The following SIN3B variants were observed in gnomAD, a reference collection of about 807,000 sequenced individuals.
SIN3B encodes the protein SIN3 transcription regulator family member B.
SIN3B carries 19 observed loss-of-function variants against 120.2 expected under a neutral mutation model. The observed-to-expected ratio is 0.16, with a 90% confidence interval of 0.11 to 0.23. SIN3B has a LOEUF of 0.23. Among genes scored for constraint, SIN3B ranks in the 10% least tolerant of loss-of-function variants. The pLI, the probability that SIN3B is intolerant of heterozygous loss-of-function variation, is 1.00. For synonymous variants in SIN3B, 654 were observed against 653.2 expected, an observed-to-expected ratio of 1.00 and a Z score of -0.02; for missense variants, 1,073 against 1,573.0, an observed-to-expected ratio of 0.68 and a Z score of 5.38.
chr19:16,863,248 A>G (rs549579210), intron 9 of SIN3B: 1 of 510,972 alleles, frequency 2.0e-6, no homozygotes, highest in Non-Finnish European at 3.5e-6. Flanking sequence ...CTAACCATGG[A>G]TTGAAAATAC....
intron 7 of SIN3B, among the ~76,000 whole-genome samples, chr19:16,853,473 G>C (rs901160203): frequency 4.6e-5 from 7 of 152,276 alleles, no homozygotes; most frequent in African/African-American, 1.2e-4. Context: ...TTCCCGCCCA[G>C]GGTCTGTGGG....
Position 16,841,759 on chromosome 19 carries a change from C to T in SIN3B, c.382-9C>T. ...CGGGCCTGGCAGTAACTCATTGTCG[C>T]CTTGTCAGGAGAATTCGCACAACCA... On this transcript the variant is annotated splice_polypyrimidine_tract_variant and intron_variant, in intron 3 of 18. Coordinates refer to ENST00000248054, the MANE Select transcript of SIN3B (RefSeq NM_001297595.2). The T allele has an allele frequency of 1.2e-6, 2 of 1,612,882 alleles. No individual in the cohort carries two copies. Among genetic ancestry groups the T allele is most frequent in the Non-Finnish European group, 1.7e-6 (2 of 1,179,182 alleles).
intron 7 of SIN3B, 69 bp downstream of exon 7, chr19:16,853,227 C>G: frequency 6.9e-7 from 1 of 1,440,646 alleles, no homozygotes; most frequent in Non-Finnish European, 9.8e-7. Context: ...GCTCCCTGGG[C>G]CTGCCCCAGG....
At chr19:16,873,157 G>A (rs1483686713) in intron 14 of SIN3B, among the ~76,000 whole-genome samples, 1 of 152,070 alleles carries the variant, frequency 6.6e-6, no homozygotes, top group African/African-American at 2.4e-5. Flanking sequence ...TTTCCCTGAT[G>A]GCAAATGTGG....
intron 9 of SIN3B, 130 bp from the exon 10 acceptor site, chr19:16,863,550 A>G: frequency 1.5e-6 from 1 of 688,484 alleles, no homozygotes; most frequent in South Asian, 1.7e-5. Flanking sequence ...GCACCTTCCC[A>G]TTTGTATAAG....
At position 16,876,649 on chromosome 19, in the gene SIN3B, C is replaced by G. The variant is rs2051612709; in HGVS notation, c.2859+71C>G. The G allele has an allele frequency of 4.8e-6, 6 of 1,258,202 alleles. No homozygotes were observed. Among genetic ancestry groups the G allele is most frequent in the Middle Eastern group, 1.9e-4 (1 of 5,324 alleles). 77.9% of individuals were successfully genotyped at this position (1,258,202 alleles called of 1,614,324 possible). A position where few individuals can be genotyped will look rare whatever the true frequency, so the allele number is the denominator to read the frequency against. On this transcript the variant is annotated intron_variant, in intron 16 of 18. Coordinates refer to ENST00000248054, the MANE Select transcript of SIN3B (RefSeq NM_001297595.2). This position sits in a 1 kb window ranked among gnomAD's most constrained non-coding sequence, Gnocchi z 7.1. Reference sequence around the variant, plus strand: ...TGAGGGCAGCAGCATGGGGCTCCCACCAGCCAAGCGCAGGCCGCGCAGCAT... The same window carrying G: ...TGAGGGCAGCAGCATGGGGCTCCCAGCAGCCAAGCGCAGGCCGCGCAGCAT...
At chr19:16,851,674 G>C (rs1568417443) in intron 6 of SIN3B, 140 bp downstream of exon 6, 3 of 1,103,556 alleles carry the variant, frequency 2.7e-6, no homozygotes, top group Admixed American at 3.4e-5. Flanking sequence ...ACCGGCAGTG[G>C]GACCGTTGGA....
At position 16,845,741 on chromosome 19, in the gene SIN3B, A is replaced by G. The variant is rs992420245; in HGVS notation, c.583-1229A>G. Among the ~76,000 whole-genome samples, 5 of 151,854 alleles carry G rather than the reference A, an allele frequency of 3.3e-5. No individual in the cohort carries two copies. In the East Asian group the frequency reaches 7.9e-4, roughly 24 times the overall value. ...TTCTTTTCTTCTTTATTTATTTTAG[A>G]TAGGATCTTGCTCTGTTGCCTAGGC... is the stretch of plus-strand genomic sequence containing the variant. On this transcript the variant is annotated intron_variant, in intron 4 of 18. Transcript: ENST00000248054.
chr19:16,878,884 C>A lies in SIN3B; in HGVS notation c.*157C>A. On this transcript the variant is annotated 3_prime_UTR_variant, in exon 19 of 19. Coordinates refer to ENST00000248054, the MANE Select transcript of SIN3B (RefSeq NM_001297595.2). The stretch of plus-strand genomic sequence containing the variant: ...CCAGGGCAGGACGCCGCCCCCGTGG[C>A]TCCCGGTCTCCTGTGGGCCTGCTGT... 1 of 693,194 alleles carries A rather than the reference C, an allele frequency of 1.4e-6. No homozygotes were observed. The highest frequency in any genetic ancestry group is 1.8e-5 in the African/African-American group (1 of 55,528). The allele number at this position is 693,194 out of a possible 1,614,324, so 42.9% of individuals were successfully genotyped here. A position where few individuals can be genotyped will look rare whatever the true frequency, so the allele number is the denominator to read the frequency against.
chr19:16,857,172 A>C (rs966111886), intron 8 of SIN3B, among the ~76,000 whole-genome samples: 2 of 152,228 alleles, frequency 1.3e-5, no homozygotes, highest in Non-Finnish European at 2.9e-5. Context: ...GAAAATGTCA[A>C]ATCTTGGAAA....
intron 14 of SIN3B, among the ~76,000 whole-genome samples, chr19:16,875,704 G>A (rs1021509193): frequency 1.0e-4 from 15 of 144,320 alleles, no homozygotes; most frequent in Non-Finnish European, 2.0e-4. Context: ...TGGTCGGTTC[G>A]GTCTGGTCTG....
At position 16,862,850 on chromosome 19, in the gene SIN3B, C is replaced by A; in HGVS notation, c.1266+291C>A. The A allele has an allele frequency of 1.3e-6, 2 of 1,521,454 alleles. No individual in the cohort carries two copies. The highest frequency in any genetic ancestry group is 1.1e-5 in the South Asian group (1 of 89,076). 94.2% of individuals were successfully genotyped at this position (1,521,454 alleles called of 1,614,324 possible). ...ATTGCTGCCATGATTCTGCTCTGTC[C>A]CGGGCTCACTGACCTCAGTGTGTTT... On this transcript the variant is annotated intron_variant, in intron 9 of 18. Transcript: ENST00000248054. This position sits in a 1 kb window ranked among gnomAD's most constrained non-coding sequence, Gnocchi z 4.7.
At chr19:16,875,159 G>T (rs1425774292) in intron 14 of SIN3B, among the ~76,000 whole-genome samples, 2 of 134,586 alleles carry the variant, frequency 1.5e-5, no homozygotes, top group Non-Finnish European at 3.3e-5. Flanking sequence ...GTCTGGTTTG[G>T]GTCTGGTCTG....
intron 12 of SIN3B, 68 bp from the exon 13 acceptor site, chr19:16,869,392 G>A: frequency 1.3e-6 from 2 of 1,500,466 alleles, no homozygotes; most frequent in African/African-American, 1.4e-5. Flanking sequence ...AGCGAGTCGT[G>A]AATGGGCACT....
Position 16,865,404 on chromosome 19 carries a change from C to G in SIN3B, c.1384-6C>G. On this transcript the variant is annotated splice_region_variant and splice_polypyrimidine_tract_variant and intron_variant, in intron 10 of 18. Coordinates refer to ENST00000248054, the MANE Select transcript of SIN3B (RefSeq NM_001297595.2). ...GGCTGACCCCGTCCTGCCTTCCTTT[C>G]CATAGTTAGACGTTGTCCTGGAGAC... is the stretch of plus-strand genomic sequence containing the variant. The G allele has an allele frequency of 6.4e-7, 1 of 1,573,486 alleles. No homozygotes were observed. The highest frequency in any genetic ancestry group is 8.7e-7 in the Non-Finnish European group (1 of 1,149,398).
chr19:16,874,758 T>C (rs2051564779), intron 14 of SIN3B, among the ~76,000 whole-genome samples: 1 of 151,314 alleles, frequency 6.6e-6, no homozygotes, highest in Non-Finnish European at 1.5e-5. Context: ...TAATCTGGTC[T>C]AGTTTGGTTG....
At chr19:16,844,364 C>A (rs942144310) in intron 4 of SIN3B, among the ~76,000 whole-genome samples, 1 of 152,232 alleles carries the variant, frequency 6.6e-6, no homozygotes, top group Admixed American at 6.5e-5. Flanking sequence ...TTCAGACTTT[C>A]TCTCTGCCAC....
At chr19:16,837,689 A>G (rs933134668) in intron 3 of SIN3B, among the ~76,000 whole-genome samples, 1 of 152,102 alleles carries the variant, frequency 6.6e-6, no homozygotes, top group Non-Finnish European at 1.5e-5. Flanking sequence ...GCCCTGAGTG[A>G]TGGGGACAGA....
At chr19:16,857,211 A>G (rs1251479611) in intron 8 of SIN3B, among the ~76,000 whole-genome samples, 5 of 152,194 alleles carry the variant, frequency 3.3e-5, no homozygotes, top group African/African-American at 1.2e-4. Flanking sequence ...TGATGTTAAC[A>G]TTGTTCTCAA....
Sources: gnomAD v4.1 joint callset for allele counts (sites outside exome capture counted in the v4.1 genomes callset) on GRCh38, gnomAD v4.1.1 for gene constraint, Gnocchi (gnomAD v3.1) non-coding constraint, MANE v1.5 for transcripts, NCBI Gene and HGNC (gene_info 2026-07-23, HGNC 2026-07-21) for gene names.